CFH: variants seen among roughly 807,000 people sequenced by gnomAD.
CFH encodes H factor 1 (complement).
In CFH, 53 loss-of-function variants were observed where a neutral mutation model predicts 147.3. That is an observed-to-expected ratio of 0.36 (90% CI 0.29 to 0.45). CFH has a LOEUF of 0.45. Ranked by LOEUF, CFH falls within the 20% of genes least tolerant of loss-of-function variation. The pLI, the probability that CFH is intolerant of heterozygous loss-of-function variation, is 1.00. For synonymous variants in CFH, 536 were observed against 489.4 expected, an observed-to-expected ratio of 1.10 and a Z score of -1.26; for missense variants, 1,380 against 1,498.0, an observed-to-expected ratio of 0.92 and a Z score of 1.30.
In CFH at chr1:196,661,494, T is replaced by A. The variant is rs112951880; in HGVS notation, c.58+9319T>A. 1.7e-3 allele frequency among the ~76,000 whole-genome samples: 259 copies of A among 152,294 alleles called. 3 individuals are homozygous for A. The highest frequency in any genetic ancestry group is 6.0e-3 in the African/African-American group (250 of 41,560). On this transcript the variant is annotated intron_variant, in intron 1 of 21. Transcript: ENST00000367429. ...CCAGCAGATTCAGTGTTTGGTGAGG[T>A]CTGCTCTCTGGTTCATAGACAGTGC...
chr1:196,744,311 A>G (rs558948442), intron 20 of CFH, among the ~76,000 whole-genome samples: 1 of 152,136 alleles, frequency 6.6e-6, no homozygotes, highest in East Asian at 1.9e-4. Flanking sequence ...CACTTGGACC[A>G]TTTACACTTA....
chr1:196,719,340 G>A (rs942183340), intron 11 of CFH, among the ~76,000 whole-genome samples: 1 of 151,752 alleles, frequency 6.6e-6, no homozygotes, highest in African/African-American at 2.4e-5. Flanking sequence ...CACAAAATAC[G>A]TGAACAAACA....
At chr1:196,684,958 T>C (rs1667775880) in intron 6 of CFH, 106 bp from the exon 7 acceptor site, 1 of 857,450 alleles carries the variant, frequency 1.2e-6, no homozygotes, top group African/African-American at 1.7e-5. Context: ...CATTTTGTAT[T>C]ATGCTAAGGA....
chr1:196,666,606 G>A (rs1377659848), intron 1 of CFH, among the ~76,000 whole-genome samples: 1 of 151,396 alleles, frequency 6.6e-6, no homozygotes, highest in Non-Finnish European at 1.5e-5. Context: ...AGACCATCCT[G>A]GCTAACACGG....
intron 17 of CFH, 123 bp from the exon 18 acceptor site, chr1:196,740,496 C>G: frequency 1.1e-6 from 1 of 941,924 alleles, no homozygotes; most frequent in Non-Finnish European, 1.6e-6. Context: ...TGTGTTACTT[C>G]TCTGTGATGT....
Position 196,715,725 on chromosome 1 carries a change from T to C in CFH, c.1652T>C (p.Ile551Thr), listed in dbSNP as rs35453854. The C allele has an allele frequency of 2.7e-3, 4,373 of 1,612,670 alleles. 114 individuals carry two copies. In the African/African-American group the frequency reaches 0.051, roughly 19 times the overall value. Residue 551 changes from isoleucine (I) to threonine (T), a missense_variant, in exon 11 of 22, where the codon ATA becomes ACA. By Grantham distance (89) the Ile-to-Thr change is moderately conservative. This residue lies in a region of CFH where 830 missense variants were observed against 821.4 expected (regional missense o/e 1.01). Transcript: ENST00000367429. ...ESNTGSTTGS[I>T]VCGYNGWSDL... ...AATACTGGAAGCACCACTGGTTCCATAGTGTGTGGTTACAATGGTTGGTCT... is the reference window on the plus strand; with the variant it reads ...AATACTGGAAGCACCACTGGTTCCACAGTGTGTGGTTACAATGGTTGGTCT...
chr1:196,703,165 A>T (rs561973342), intron 9 of CFH, among the ~76,000 whole-genome samples: 1 of 152,236 alleles, frequency 6.6e-6, no homozygotes, highest in African/African-American at 2.4e-5. Flanking sequence ...CTGACTTGTT[A>T]TCTGTGGCTC....
chr1:196,742,123 C>A, intron 19 of CFH, 72 bp downstream of exon 19: 1 of 1,490,614 alleles, frequency 6.7e-7, no homozygotes, highest in South Asian at 1.1e-5. Flanking sequence ...GCCTGTAATC[C>A]CAGCACTTTG....
intron 6 of CFH, among the ~76,000 whole-genome samples, chr1:196,681,062 A>T (rs1237697863): frequency 1.3e-5 from 2 of 151,838 alleles, no homozygotes; most frequent in Non-Finnish European, 2.9e-5. Context: ...AAGTGCATGC[A>T]CAAGTCCTTT....
intron 9 of CFH, among the ~76,000 whole-genome samples, chr1:196,696,211 T>G (rs1668260603): frequency 6.6e-6 from 1 of 152,034 alleles, no homozygotes; most frequent in Non-Finnish European, 1.5e-5. Context: ...TAATTGGAAG[T>G]AAAACACTCC....
At chr1:196,737,422 C>T (rs1669432412) in intron 16 of CFH, 53 bp from the exon 17 acceptor site, 4 of 1,243,592 alleles carry the variant, frequency 3.2e-6, no homozygotes, top group Non-Finnish European at 4.6e-6. Flanking sequence ...TTTTATATTT[C>T]AATTTAAGTA....
chr1:196,745,411 G>T (rs1439139944), intron 20 of CFH, among the ~76,000 whole-genome samples: 1 of 152,012 alleles, frequency 6.6e-6, no homozygotes, highest in Non-Finnish European at 1.5e-5. Flanking sequence ...TTGTCTGTCA[G>T]CTCCCCATGT....
At chr1:196,735,120 C>T (rs531635399) in intron 15 of CFH, among the ~76,000 whole-genome samples, 5 of 152,138 alleles carry the variant, frequency 3.3e-5, no homozygotes, top group African/African-American at 4.8e-5. Flanking sequence ...TTCTATGTGT[C>T]GGGAGACAGA....
rs1168287496 is a variant in CFH, at chr1:196,679,804, C to T, written c.790+11C>T. 16 of 1,604,896 alleles carry T rather than the reference C, an allele frequency of 1.0e-5. No individual in the cohort carries two copies. The Admixed American group carries it at 2.5e-4, about 25-fold the overall frequency. On this transcript the variant is annotated intron_variant, in intron 6 of 21. Coordinates refer to ENST00000367429, the MANE Select transcript of CFH (RefSeq NM_000186.4). ...TGCCTTCATGTGAAGGTAATGTTAC[C>T]TTTATTTTCTGGATCTTTATAAATT...
In CFH at chr1:196,673,173, T is replaced by G. The variant is rs751914625; in HGVS notation, c.244+10T>G. Reference sequence around the variant, plus strand: ...TTAAGGAAATGTCAGAGTAAGTACTTAATACATTTGTGAAATTTATGAAAA... The same window carrying G: ...TTAAGGAAATGTCAGAGTAAGTACTGAATACATTTGTGAAATTTATGAAAA... On this transcript the variant is annotated intron_variant, in intron 2 of 21. Transcript: ENST00000367429. 1 of 1,609,276 alleles carries G rather than the reference T, an allele frequency of 6.2e-7. No homozygotes were observed. Among genetic ancestry groups the G allele is most frequent in the African/African-American group, 1.3e-5 (1 of 74,722 alleles).
At chr1:196,715,220 C>T (rs1668840279) in intron 10 of CFH, among the ~76,000 whole-genome samples, 1 of 151,828 alleles carries the variant, frequency 6.6e-6, no homozygotes, top group Non-Finnish European at 1.5e-5. Flanking sequence ...TATGTCTCAA[C>T]TACGAATTAG....
intron 7 of CFH, among the ~76,000 whole-genome samples, chr1:196,685,938 A>C (rs934304525): frequency 2.6e-5 from 4 of 152,078 alleles, no homozygotes; most frequent in African/African-American, 9.7e-5. Context: ...GGTTAAATTG[A>C]CTCACAGTTC....
chr1:196,657,025 T>A (rs1425883577), intron 1 of CFH, among the ~76,000 whole-genome samples: 1 of 152,148 alleles, frequency 6.6e-6, no homozygotes, highest in African/African-American at 2.4e-5. Flanking sequence ...TGCCTGAGGC[T>A]GGAGTGCCCA....
intron 6 of CFH, among the ~76,000 whole-genome samples, chr1:196,681,954 G>T (rs1667673244): frequency 6.6e-6 from 1 of 151,620 alleles, no homozygotes; most frequent in Admixed American, 6.6e-5. Flanking sequence ...TCTCTTTGTT[G>T]CTTCTAAATC....
Sources: gnomAD v4.1 joint callset for allele counts (sites outside exome capture counted in the v4.1 genomes callset) on GRCh38, gnomAD v4.1.1 for gene constraint, gnomAD v4.1.1 regional missense constraint, MANE v1.5 for transcripts, NCBI Gene and HGNC (gene_info 2026-07-23, HGNC 2026-07-21) for gene names.